The following SIN3A variants were observed in gnomAD, a reference collection of about 807,000 sequenced individuals.
SIN3A encodes SIN3 transcription regulator family member A, also known as paired amphipathic helix protein Sin3a.
SIN3A carries 14 observed loss-of-function variants against 146.1 expected under a neutral mutation model. The ratio of observed to expected loss-of-function variants is 0.10; its 90% CI spans 0.06 to 0.15. The LOEUF is 0.15. SIN3A is among the 10% of genes least tolerant of loss of function. The pLI, the probability that SIN3A is intolerant of heterozygous loss-of-function variation, is 1.00. For synonymous variants in SIN3A, 572 were observed against 572.0 expected (o/e 1.00, Z 0.00); for missense variants, 1,028 against 1,576.0 (o/e 0.65, Z 5.89).
intron 19 of SIN3A, among the ~76,000 whole-genome samples, chr15:75,379,794 T>C (rs2072930937): frequency 1.3e-5 from 2 of 152,228 alleles, no homozygotes; most frequent in Non-Finnish European, 2.9e-5. Context: ...ACTGTTTTCA[T>C]ATACTTGGAG....
chr15:75,433,768 C>A (rs907584053), intron 1 of SIN3A, among the ~76,000 whole-genome samples: 1 of 152,102 alleles, frequency 6.6e-6, no homozygotes, highest in Non-Finnish European at 1.5e-5. Context: ...GAGATCATGC[C>A]ACTGCACTCC....
intron 5 of SIN3A, 131 bp from the exon 6 acceptor site, chr15:75,411,874 C>T: frequency 2.2e-6 from 2 of 907,542 alleles, no homozygotes; most frequent in Non-Finnish European, 3.2e-6. Flanking sequence ...TCATTTTAGT[C>T]CAACACAAAT....
Position 75,371,696 on chromosome 15 carries a change from A to G in SIN3A, c.*283T>C. The G allele has an allele frequency of 2.4e-6, 1 of 421,736 alleles. No individual in the cohort carries two copies. The highest frequency in any genetic ancestry group is 4.1e-5 in the South Asian group (1 of 24,614). 26.1% of individuals were successfully genotyped at this position (421,736 alleles called of 1,614,324 possible). A position where few individuals can be genotyped will look rare whatever the true frequency, so the allele number is the denominator to read the frequency against. On this transcript the variant is annotated 3_prime_UTR_variant, in exon 21 of 21. Coordinates refer to ENST00000394947, the MANE Select transcript of SIN3A (RefSeq NM_001145358.2). ...TAGCTCTGCTGGTGTGTGCAAGCAA[A>G]CTGCATGTCTTTGCTTGCATGGACT...
At chr15:75,447,965 G>A (rs2074335838) in intron 1 of SIN3A, 1 of 152,170 alleles carries the variant, frequency 6.6e-6, no homozygotes, top group African/African-American at 2.4e-5. Context: ...CTTGAGCCCA[G>A]GAGTTCGAGA....
chr15:75,370,643 C>G lies in SIN3A; in HGVS notation c.*1336G>C, dbSNP rs1384436101. Reference sequence around the variant, plus strand: ...AAACACTGGTTTGGTATTTAAGTTGCTCACCCCCATCCATCACCAATGTGA... The same window carrying G: ...AAACACTGGTTTGGTATTTAAGTTGGTCACCCCCATCCATCACCAATGTGA... On this transcript the variant is annotated 3_prime_UTR_variant, in exon 21 of 21. Coordinates refer to ENST00000394947, the MANE Select transcript of SIN3A (RefSeq NM_001145358.2). The G allele has an allele frequency of 6.6e-6, 1 of 151,982 alleles. No homozygotes were observed. The highest frequency in any genetic ancestry group is 1.5e-5 in the Non-Finnish European group (1 of 68,002). The allele number at this position is 151,982 out of a possible 1,614,324, so 9.4% of individuals were successfully genotyped here.
At chr15:75,446,600 T>G (rs1262985763) in intron 1 of SIN3A, among the ~76,000 whole-genome samples, 1 of 151,614 alleles carries the variant, frequency 6.6e-6, no homozygotes, top group Non-Finnish European at 1.5e-5. Context: ...CAAGCAATCC[T>G]CCTGCCTCAG....
chr15:75,382,406 T>G (rs1424104312), intron 17 of SIN3A, among the ~76,000 whole-genome samples: 1 of 152,236 alleles, frequency 6.6e-6, no homozygotes, highest in Admixed American at 6.5e-5. Flanking sequence ...ATTTATAATT[T>G]AAGAATTGCA....
chr15:75,436,000 A>T (rs2074101380), intron 1 of SIN3A, among the ~76,000 whole-genome samples: 3 of 151,312 alleles, frequency 2.0e-5, no homozygotes, highest in Non-Finnish European at 4.4e-5. Flanking sequence ...GGTGGCGCAC[A>T]ACTATGGTAC....
intron 11 of SIN3A, 121 bp downstream of exon 11, chr15:75,400,609 A>C (rs1052589663): frequency 2.6e-6 from 2 of 783,062 alleles, no homozygotes; most frequent in African/African-American, 1.8e-5. Flanking sequence ...TTTTCTTTTT[A>C]AAAAGGATTA....
intron 15 of SIN3A, among the ~76,000 whole-genome samples, chr15:75,391,099 T>C (rs2073191664): frequency 6.6e-6 from 1 of 152,204 alleles, no homozygotes; most frequent in Non-Finnish European, 1.5e-5. Context: ...TTGAGTTTCA[T>C]CACAGACTAT....
At chr15:75,440,844 T>C (rs1296690231) in intron 1 of SIN3A, among the ~76,000 whole-genome samples, 1 of 151,276 alleles carries the variant, frequency 6.6e-6, no homozygotes, top group African/African-American at 2.4e-5. Context: ...TAGCCAGGCG[T>C]GGTGGCAGGC....
intron 16 of SIN3A, 147 bp downstream of exon 16, chr15:75,389,505 C>T (rs1295246546): frequency 1.4e-6 from 1 of 719,124 alleles, no homozygotes; most frequent in Non-Finnish European, 2.3e-6. Context: ...AGAAATCAGG[C>T]ATCACATTAA....
chr15:75,436,611 C>T (rs957969858), intron 1 of SIN3A, among the ~76,000 whole-genome samples: 1 of 151,972 alleles, frequency 6.6e-6, no homozygotes, highest in Non-Finnish European at 1.5e-5. Flanking sequence ...TATGTTAAAC[C>T]TAGTAGTAGA....
intron 17 of SIN3A, among the ~76,000 whole-genome samples, chr15:75,382,544 C>T (rs1296093020): frequency 6.6e-6 from 1 of 151,974 alleles, no homozygotes; most frequent in Non-Finnish European, 1.5e-5. Context: ...TGGAAACAAC[C>T]TAAATGTCCA....
chr15:75,387,581 G>A (rs570995027), intron 16 of SIN3A, among the ~76,000 whole-genome samples: 9 of 149,664 alleles, frequency 6.0e-5, no homozygotes, highest in Middle Eastern at 3.5e-3. Context: ...AAAAAAAAGC[G>A]GGGGGTGGGT....
At chr15:75,444,117 T>G (rs1237672976) in intron 1 of SIN3A, among the ~76,000 whole-genome samples, 1 of 152,184 alleles carries the variant, frequency 6.6e-6, no homozygotes, top group Non-Finnish European at 1.5e-5. Flanking sequence ...TCCACAACAT[T>G]GTTTCGATGT....
chr15:75,397,726 A>G (rs1014741747), intron 12 of SIN3A, among the ~76,000 whole-genome samples: 6 of 152,066 alleles, frequency 3.9e-5, no homozygotes, highest in Admixed American at 3.3e-4. Flanking sequence ...TGCACACCCC[A>G]CTTCTTTCAT....
At chr15:75,435,515 T>C (rs969590258) in intron 1 of SIN3A, among the ~76,000 whole-genome samples, 3 of 152,012 alleles carry the variant, frequency 2.0e-5, no homozygotes, top group East Asian at 3.9e-4. Context: ...CTGACCAACA[T>C]GGAGAAACCC....
chr15:75,404,476 C>T (rs1250897723), intron 9 of SIN3A, among the ~76,000 whole-genome samples: 2 of 152,138 alleles, frequency 1.3e-5, no homozygotes, highest in Non-Finnish European at 2.9e-5. Context: ...AATGCCATTA[C>T]AGGACTGGGT....
Sources: allele counts gnomAD v4.1 joint callset (sites outside exome capture counted in the v4.1 genomes callset), GRCh38; gene constraint gnomAD v4.1.1; transcripts MANE v1.5; gene names NCBI Gene and HGNC (gene_info 2026-07-23, HGNC 2026-07-21).